The following TMEM14B variants were observed in gnomAD, a reference collection of about 807,000 sequenced individuals.
TMEM14B encodes transmembrane protein 14B.
Under a neutral mutation model 14.8 loss-of-function variants are expected in TMEM14B, and 9 were observed. The ratio of observed to expected loss-of-function variants is 0.61; its 90% CI spans 0.37 to 1.06. TMEM14B has a LOEUF of 1.06. TMEM14B is among the 50% of genes least tolerant of loss of function. TMEM14B has a pLI of 0.01. For missense variants in TMEM14B, 128 were observed against 143.6 expected (o/e 0.89, Z 0.56); for synonymous variants, 40 against 51.3 (o/e 0.78, Z 0.94).
Position 10,755,838 on chromosome 6 carries a change from C to T in TMEM14B, c.293+606C>T, listed in dbSNP as rs568434238. On this transcript the variant is annotated intron_variant, in intron 5 of 5. Transcript: ENST00000379542. Reference sequence around the variant, plus strand: ...GTGCGGTGGTGCACGCCTGTAATCCCAGCTACTCGGGAGGTCGAGGCAGGA... The same window carrying T: ...GTGCGGTGGTGCACGCCTGTAATCCTAGCTACTCGGGAGGTCGAGGCAGGA... The T allele has an allele frequency of 1.0e-3, 213 of 210,056 alleles. 3 individuals are homozygous for T. Among genetic ancestry groups the T allele is most frequent in the Non-Finnish European group, 1.3e-4 (16 of 120,354 alleles). The allele number at this position is 210,056 out of a possible 1,614,324, so 13.0% of individuals were successfully genotyped here.
chr6:10,753,867 AT>A (rs1350851797), intron 4 of TMEM14B, among the ~76,000 whole-genome samples: 2 of 150,986 alleles, frequency 1.3e-5, no homozygotes, highest in African/African-American at 5.0e-5. Flanking sequence ...AGTCCCAGTT[AT>A]CCCCTCTTTC....
At chr6:10,755,308 C>T (rs983214460) in intron 5 of TMEM14B, 76 bp downstream of exon 5, 5 of 1,604,106 alleles carry the variant, frequency 3.1e-6, no homozygotes, top group South Asian at 1.1e-5. Flanking sequence ...CATTCAAAAC[C>T]TTACTTGTTT....
In TMEM14B at chr6:10,756,718, G is replaced by A; in HGVS notation, c.*200G>A. 7.6e-7 allele frequency: 1 copy of A among 1,309,998 alleles called. No individual in the cohort carries two copies. Among genetic ancestry groups the A allele is most frequent in the South Asian group, 1.8e-5 (1 of 55,454 alleles). The allele number at this position is 1,309,998 out of a possible 1,614,324, so 81.1% of individuals were successfully genotyped here. A position where few individuals can be genotyped will look rare whatever the true frequency, so the allele number is the denominator to read the frequency against. On this transcript the variant is annotated 3_prime_UTR_variant, in exon 6 of 6. Coordinates refer to ENST00000379542, the MANE Select transcript of TMEM14B (RefSeq NM_030969.5). ...TACAGAGGTGGTGAGCATGTAACAT[G>A]AGCTTATTGAGACCATCATAGAGAT...
At chr6:10,750,856 G>A (rs1264930147) in intron 3 of TMEM14B, among the ~76,000 whole-genome samples, 3 of 152,010 alleles carry the variant, frequency 2.0e-5, no homozygotes, top group Non-Finnish European at 4.4e-5. Flanking sequence ...AGAAGGCCTA[G>A]TCATAGTTCT....
At chr6:10,749,774 G>A in intron 3 of TMEM14B, 76 bp downstream of exon 3, 1 of 1,567,344 alleles carries the variant, frequency 6.4e-7, no homozygotes, top group Admixed American at 1.7e-5. Flanking sequence ...GTGTCCCTGA[G>A]AAGCAATCTC....
intron 5 of TMEM14B, among the ~76,000 whole-genome samples, chr6:10,756,032 C>A (rs141701055): frequency 6.6e-6 from 1 of 151,880 alleles, no homozygotes; most frequent in Non-Finnish European, 1.5e-5. Flanking sequence ...ATCCTGTTTT[C>A]AAGAAAGATT....
At chr6:10,751,319 G>A (rs1431518154) in intron 4 of TMEM14B, 85 bp downstream of exon 4, 10 of 1,457,742 alleles carry the variant, frequency 6.9e-6, no homozygotes, top group Middle Eastern at 1.8e-4. Context: ...GGGATGGAGC[G>A]AGTTCTTCCC....
chr6:10,754,579 G>A (rs1581615323), intron 4 of TMEM14B, among the ~76,000 whole-genome samples: 2 of 152,276 alleles, frequency 1.3e-5, no homozygotes, highest in South Asian at 4.1e-4. Flanking sequence ...TGATCCCCCT[G>A]TTGAGCTTTT....
At chr6:10,749,123 C>T in intron 1 of TMEM14B, 79 bp from the exon 2 acceptor site, 3 of 890,948 alleles carry the variant, frequency 3.4e-6, no homozygotes, top group South Asian at 2.8e-5. Flanking sequence ...GTTGCATAGC[C>T]TGCAGGTTGG....
chr6:10,755,101 G>A (rs755331904), intron 4 of TMEM14B, 41 bp from the exon 5 acceptor site: 1 of 1,608,218 alleles, frequency 6.2e-7, no homozygotes, highest in Non-Finnish European at 8.5e-7. Context: ...CCCCTGCGTA[G>A]AAGACTAATG....
chr6:10,750,497 G>C (rs1000601354), intron 3 of TMEM14B, among the ~76,000 whole-genome samples: 3 of 151,808 alleles, frequency 2.0e-5, no homozygotes, highest in African/African-American at 7.3e-5. Flanking sequence ...AAAGTTAAAA[G>C]GATAAATGGT....
At chr6:10,757,833 A>G (rs1771858265), downstream of TMEM14B, among the ~76,000 whole-genome samples, 1 of 152,118 alleles carries the variant, frequency 6.6e-6, no homozygotes, top group South Asian at 2.1e-4. Flanking sequence ...TCTACTAAAA[A>G]TTCAAAAATT....
At chr6:10,750,278 G>A (rs1771496821) in intron 3 of TMEM14B, among the ~76,000 whole-genome samples, 2 of 151,860 alleles carry the variant, frequency 1.3e-5, no homozygotes, top group Admixed American at 6.6e-5. Flanking sequence ...GGCCTGATTA[G>A]AAAGTGTTGT....
chr6:10,750,626 A>G (rs1166775317), intron 3 of TMEM14B, among the ~76,000 whole-genome samples: 3 of 152,034 alleles, frequency 2.0e-5, no homozygotes, highest in Non-Finnish European at 4.4e-5. Flanking sequence ...ATAGCTCGCC[A>G]CAGTATCTTA....
chr6:10,755,078 T>A (rs1447886183), intron 4 of TMEM14B, 64 bp from the exon 5 acceptor site: 3 of 1,558,522 alleles, frequency 1.9e-6, no homozygotes, highest in Non-Finnish European at 1.8e-6. Context: ...TGGGGCTTGG[T>A]CTACTTCTGA....
chr6:10,748,352 C>T (rs61085339), intron 1 of TMEM14B, among the ~76,000 whole-genome samples: 8,072 of 152,092 alleles, frequency 0.053, 445 homozygotes, highest in African/African-American at 0.14. Context: ...CTCAAGCCAT[C>T]CTCCCACCTC....
intron 3 of TMEM14B, 47 bp downstream of exon 3, chr6:10,749,745 C>T: frequency 6.2e-7 from 1 of 1,605,376 alleles, no homozygotes; most frequent in Non-Finnish European, 8.5e-7. Flanking sequence ...CACGTTGTTC[C>T]AGTGAAATGT....
intron 4 of TMEM14B, among the ~76,000 whole-genome samples, chr6:10,752,452 C>CTTTTTTTTTTT (rs60849022): frequency 8.9e-6 from 1 of 112,508 alleles, no homozygotes. Context: ...CATAAACTAC[C>CTTTTTTTTTTT]TTTTTTTTTT....
At chr6:10,753,603 T>A (rs1771675853) in intron 4 of TMEM14B, among the ~76,000 whole-genome samples, 1 of 151,922 alleles carries the variant, frequency 6.6e-6, no homozygotes, top group Non-Finnish European at 1.5e-5. Context: ...TGACACAAAT[T>A]TCTCTCTCCT....
Sources: allele counts gnomAD v4.1 joint callset (sites outside exome capture counted in the v4.1 genomes callset), GRCh38; gene constraint gnomAD v4.1.1; transcripts MANE v1.5; gene names NCBI Gene and HGNC (gene_info 2026-07-23, HGNC 2026-07-21).